CTPS2: variants seen among roughly 807,000 people sequenced by gnomAD.
The protein encoded by CTPS2 is CTP synthase 2.
A neutral mutation model predicts 46.8 loss-of-function variants in CTPS2; 19 were observed. The observed-to-expected ratio is 0.41, with a 90% CI of 0.28 to 0.60. The LOEUF is 0.60. Ranked by LOEUF, CTPS2 falls within the 20% of genes least tolerant of loss-of-function variation. The pLI is 0.35. For missense variants in CTPS2, 286 were observed against 447.6 expected, an observed-to-expected ratio of 0.64 and a Z score of 3.26; for synonymous variants, 151 against 165.2, an observed-to-expected ratio of 0.91 and a Z score of 0.66.
chrX:16,695,439 A>G (rs1421283115), intron 4 of CTPS2, among the ~76,000 whole-genome samples: 1 of 112,601 alleles, frequency 8.9e-6, no homozygotes, highest in Non-Finnish European at 1.9e-5. Context: ...ATCACCTATA[A>G]CAATACTTTA....
chrX:16,648,107 A>C (rs1489765218), intron 13 of CTPS2, among the ~76,000 whole-genome samples: 1 of 111,864 alleles, frequency 8.9e-6, no homozygotes, highest in Non-Finnish European at 1.9e-5. Flanking sequence ...CTTCAAAAAA[A>C]TAAACAAAAA....
intron 9 of CTPS2, among the ~76,000 whole-genome samples, chrX:16,680,686 T>A (rs921940170): frequency 8.9e-6 from 1 of 111,875 alleles, no homozygotes; most frequent in Middle Eastern, 4.6e-3. Flanking sequence ...TTTTCTTTTT[T>A]TTACATAATG....
intron 16 of CTPS2, among the ~76,000 whole-genome samples, chrX:16,615,594 G>C (rs1384740832): frequency 1.8e-5 from 2 of 111,317 alleles, no homozygotes; most frequent in Admixed American, 9.6e-5. Flanking sequence ...TCTAGACCTG[G>C]GGGAATGGGA....
At chrX:16,611,669 G>A (rs1930270516) in intron 16 of CTPS2, among the ~76,000 whole-genome samples, 1 of 111,359 alleles carries the variant, frequency 9.0e-6, no homozygotes, top group African/African-American at 3.3e-5. Flanking sequence ...GGGTGGACTA[G>A]TTCTATCATT....
At chrX:16,603,620 A>G (rs1929807230) in intron 17 of CTPS2, among the ~76,000 whole-genome samples, 1 of 109,591 alleles carries the variant, frequency 9.1e-6, no homozygotes. Context: ...CACTATTATT[A>G]CAGCCACAGA....
chrX:16,636,224 G>A (rs942070838), intron 14 of CTPS2, among the ~76,000 whole-genome samples: 24 of 110,708 alleles, frequency 2.2e-4, no homozygotes, highest in Non-Finnish European at 2.5e-4. Flanking sequence ...ACGAAACCCC[G>A]TCTCTACTAA....
At chrX:16,702,614 T>A (rs1216956458) in intron 2 of CTPS2, 123 bp downstream of exon 2, 1 of 589,537 alleles carries the variant, frequency 1.7e-6, no homozygotes, top group East Asian at 3.3e-5. Context: ...AAAATTCACA[T>A]ATTCATAGCA....
intron 9 of CTPS2, among the ~76,000 whole-genome samples, chrX:16,682,592 G>C (rs1327154724): frequency 8.9e-6 from 1 of 112,225 alleles, no homozygotes; most frequent in Non-Finnish European, 1.9e-5. Flanking sequence ...CTGATTTTGG[G>C]AGGGTTCCCA....
At chrX:16,604,549 A>G (rs977856836) in intron 17 of CTPS2, among the ~76,000 whole-genome samples, 2 of 111,572 alleles carry the variant, frequency 1.8e-5, no homozygotes, top group South Asian at 3.9e-4. Flanking sequence ...GCCTCAGGCC[A>G]GGCACATTGG....
At chrX:16,631,442 C>T (rs1003425308) in intron 14 of CTPS2, among the ~76,000 whole-genome samples, 2 of 111,385 alleles carry the variant, frequency 1.8e-5, no homozygotes, top group African/African-American at 6.5e-5. Flanking sequence ...CTGCTTGGGC[C>T]CAGGAGGTTG....
chrX:16,710,544 CACCTTGGATATTTTAGAG>C (rs1476181492), intron 1 of CTPS2, among the ~76,000 whole-genome samples: 2 of 112,422 alleles, frequency 1.8e-5, no homozygotes, highest in Non-Finnish European at 3.8e-5. Context: ...CTTTTTAAAG[CACCTTGGATATTTTAGAG>C]ACCTTTTGTA....
At chrX:16,641,373 T>C (rs1398621679) in intron 13 of CTPS2, among the ~76,000 whole-genome samples, 1 of 112,346 alleles carries the variant, frequency 8.9e-6, no homozygotes, top group Non-Finnish European at 1.9e-5. Context: ...TCTTTACATG[T>C]AGTTTGTTCA....
intron 3 of CTPS2, 94 bp downstream of exon 3, chrX:16,698,829 G>C (rs1924334680): frequency 4.7e-6 from 4 of 857,688 alleles, no homozygotes; most frequent in Admixed American, 3.4e-5. Flanking sequence ...GGGATTACAG[G>C]CCTGAGCCAC....
At chrX:16,680,602 T>G (rs1922663953) in intron 9 of CTPS2, among the ~76,000 whole-genome samples, 1 of 110,328 alleles carries the variant, frequency 9.1e-6, no homozygotes, top group Non-Finnish European at 1.9e-5. Flanking sequence ...AAAAGACTAT[T>G]CAAATAAACT....
rs201906471 is a variant in CTPS2, at chrX:16,693,228, A to G, written c.556-4T>C. 4 of 1,193,655 alleles carry G rather than the reference A, an allele frequency of 3.4e-6. No homozygotes were observed. Among genetic ancestry groups the G allele is most frequent in the Non-Finnish European group, 4.5e-6 (4 of 880,129 alleles). On this transcript the variant is annotated splice_region_variant and splice_polypyrimidine_tract_variant and intron_variant, in intron 5 of 18. Coordinates refer to ENST00000359276, the MANE Select transcript of CTPS2 (RefSeq NM_175859.3). ...TTTGTTCTCCGGTAGCACTGAGCTG[A>G]AAAAAAATGGGGTCCCGTCAGCACA...
At chrX:16,648,928 A>G in intron 13 of CTPS2, among the ~76,000 whole-genome samples, 1 of 112,118 alleles carries the variant, frequency 8.9e-6, no homozygotes, top group East Asian at 2.8e-4. Flanking sequence ...AGGTGATATA[A>G]GGCAGAGTCA....
intron 14 of CTPS2, among the ~76,000 whole-genome samples, chrX:16,625,792 C>T (rs1054840957): frequency 5.4e-5 from 6 of 110,311 alleles, no homozygotes; most frequent in Non-Finnish European, 1.1e-4. Context: ...AATCTCCTCT[C>T]CAATGGTCCC....
rs1373142894 is a variant in CTPS2 at position 16,674,754 on chromosome X, C to T, written c.1094+3608G>A. Among the ~76,000 whole-genome samples, 15 of 106,824 alleles carry T rather than the reference C, an allele frequency of 1.4e-4. No homozygotes were observed. The East Asian group carries it at 4.6e-3, about 32-fold the overall frequency. The allele number at this position is 106,824 out of a possible 115,157, so 92.8% of individuals were successfully genotyped here. A position where few individuals can be genotyped will look rare whatever the true frequency, so the allele number is the denominator to read the frequency against. On this transcript the variant is annotated intron_variant, in intron 10 of 18. Transcript: ENST00000359276. ...TCGGGAGGCTGAGGCAGGAGAATGA[C>T]ATGAACCCAGGAGGCAGAGCTTGCA...
chrX:16,682,024 G>A (rs902100951), intron 9 of CTPS2, among the ~76,000 whole-genome samples: 13 of 111,850 alleles, frequency 1.2e-4, no homozygotes, highest in Non-Finnish European at 2.4e-4. Context: ...GGGGAATATA[G>A]TATTTTAAAA....
Sources: allele counts gnomAD v4.1 joint callset (sites outside exome capture counted in the v4.1 genomes callset), GRCh38; gene constraint gnomAD v4.1.1; transcripts MANE v1.5; gene names NCBI Gene and HGNC (gene_info 2026-07-23, HGNC 2026-07-21).